Variants in EEPD1 observed in about 807,000 individuals in gnomAD.
The protein encoded by EEPD1 is endonuclease/exonuclease/phosphatase family domain-containing protein 1.
A neutral mutation model predicts 46.3 loss-of-function variants in EEPD1; 17 were observed. The ratio of observed to expected loss-of-function variants is 0.37; its 90% CI spans 0.25 to 0.55. EEPD1 has a LOEUF of 0.55. Ranked by LOEUF, EEPD1 falls within the 20% of genes least tolerant of loss-of-function variation. The pLI is 0.83. For synonymous variants in EEPD1, 313 were observed against 315.6 expected, an observed-to-expected ratio of 0.99 and a Z score of 0.09; for missense variants, 673 against 745.6, an observed-to-expected ratio of 0.90 and a Z score of 1.13.
At chr7:36,237,154 ACTC>A (rs2115779265) in intron 2 of EEPD1, among the ~76,000 whole-genome samples, 1 of 152,218 alleles carries the variant, frequency 6.6e-6, no homozygotes. Flanking sequence ...CTGCAGCTTC[ACTC>A]CTCAAGTCAG....
intron 2 of EEPD1, among the ~76,000 whole-genome samples, chr7:36,162,261 A>G (rs1388176734): frequency 6.6e-6 from 1 of 152,224 alleles, no homozygotes; most frequent in East Asian, 1.9e-4. Context: ...GCTGAACTCA[A>G]GTGGCTGGGA....
chr7:36,286,292 C>T (rs1562713098), intron 5 of EEPD1, among the ~76,000 whole-genome samples: 1 of 152,204 alleles, frequency 6.6e-6, no homozygotes, highest in Non-Finnish European at 1.5e-5. Context: ...GGCTCATCTC[C>T]TCAGGCACTG....
At chr7:36,204,203 TA>T (rs200227482) in intron 2 of EEPD1, among the ~76,000 whole-genome samples, 12 of 151,524 alleles carry the variant, frequency 7.9e-5, no homozygotes, top group Middle Eastern at 3.4e-3. Flanking sequence ...CCCAGCCAAT[TA>T]AAAAAAAATT....
intron 6 of EEPD1, among the ~76,000 whole-genome samples, chr7:36,288,101 CGGGCATCACTCCGGT>C (rs1787369500): frequency 6.6e-6 from 1 of 152,150 alleles, no homozygotes; most frequent in African/African-American, 2.4e-5. Flanking sequence ...CCAGCTGCCT[CGGGCATCACTCCGGT>C]GGTGCCGCCT....
At chr7:36,222,363 C>T (rs1786160750) in intron 2 of EEPD1, among the ~76,000 whole-genome samples, 1 of 152,086 alleles carries the variant, frequency 6.6e-6, no homozygotes, top group Non-Finnish European at 1.5e-5. Flanking sequence ...TTTATCATCT[C>T]CATGTTTTGA....
At chr7:36,257,247 C>G (rs1786841038) in intron 3 of EEPD1, among the ~76,000 whole-genome samples, 1 of 151,310 alleles carries the variant, frequency 6.6e-6, no homozygotes, top group Non-Finnish European at 1.5e-5. Flanking sequence ...TCTGGCTGCC[C>G]TTAACATTTT....
rs779391106 is a variant in EEPD1 at position 36,165,593 on chromosome 7, T to TTATTTATTTATTTATG, written c.878+10406_878+10407insGTATTTATTTATTTAT. Reference sequence around the variant, plus strand: ...TGCCACCACGCCCCAGCTAATTTATTTATTTATTTATTTATTTATTTATTT... The same window carrying TTATTTATTTATTTATG: ...TGCCACCACGCCCCAGCTAATTTATTTATTTATTTATTTATGTATTTATTTATTTATTTATTTATTT... On this transcript the variant is annotated intron_variant, in intron 2 of 7. Coordinates refer to ENST00000242108, the MANE Select transcript of EEPD1 (RefSeq NM_030636.3). 3.5e-3 allele frequency among the ~76,000 whole-genome samples: 513 copies of TTATTTATTTATTTATG among 147,566 alleles called. 3 individuals are homozygous for TTATTTATTTATTTATG. Among genetic ancestry groups the TTATTTATTTATTTATG allele is most frequent in the Non-Finnish European group, 5.6e-3 (372 of 66,940 alleles).
chr7:36,205,871 A>T (rs1785806867), intron 2 of EEPD1, among the ~76,000 whole-genome samples: 1 of 152,148 alleles, frequency 6.6e-6, no homozygotes, highest in Admixed American at 6.5e-5. Context: ...ACAAAACCCC[A>T]TAGAAACTCT....
chr7:36,283,061 G>C (rs372148614), intron 4 of EEPD1, among the ~76,000 whole-genome samples: 2 of 152,194 alleles, frequency 1.3e-5, no homozygotes, highest in African/African-American at 4.8e-5. Flanking sequence ...GGGCTTACAC[G>C]ATAGCCAGAG....
chr7:36,163,065 CTAGAG>C (rs1784926563), intron 2 of EEPD1, among the ~76,000 whole-genome samples: 1 of 151,814 alleles, frequency 6.6e-6, no homozygotes, highest in African/African-American at 2.4e-5. Flanking sequence ...AAACACTTCT[CTAGAG>C]TATATTTTCT....
chr7:36,221,654 T>C (rs1786147323), intron 2 of EEPD1, among the ~76,000 whole-genome samples: 1 of 152,156 alleles, frequency 6.6e-6, no homozygotes, highest in African/African-American at 2.4e-5. Context: ...AATACCAGTG[T>C]GATTTTGAGG....
intron 2 of EEPD1, among the ~76,000 whole-genome samples, chr7:36,228,275 T>TC (rs1361735028): frequency 6.6e-6 from 1 of 152,174 alleles, no homozygotes; most frequent in African/African-American, 2.4e-5. Flanking sequence ...CCCGCCCTAA[T>TC]CCCGCACTTC....
chr7:36,231,316 T>G (rs1358869769), intron 2 of EEPD1, among the ~76,000 whole-genome samples: 1 of 152,220 alleles, frequency 6.6e-6, no homozygotes, highest in Non-Finnish European at 1.5e-5. Context: ...CATCCTGACT[T>G]CAGAACTTGC....
rs936268085 is a variant in EEPD1 at position 36,212,429 on chromosome 7, TAA to T, written c.879-26555_879-26554del. ...TATATGCAAAGATATTCATTAATCA[TAA>T]GTCAGAAAAATGTGAAAAAATTAAA... On this transcript the variant is annotated intron_variant, in intron 2 of 7. Transcript: ENST00000242108. 3.3e-5 allele frequency among the ~76,000 whole-genome samples: 5 copies of T among 150,198 alleles called. No individual in the cohort carries two copies. In the Admixed American group the frequency reaches 3.4e-4, roughly 10 times the overall value.
At chr7:36,253,310 TG>T (rs1786778240) in intron 3 of EEPD1, among the ~76,000 whole-genome samples, 2 of 152,208 alleles carry the variant, frequency 1.3e-5, no homozygotes, top group African/African-American at 4.8e-5. Context: ...AAACATATTT[TG>T]TTTGATTTCA....
At chr7:36,176,023 G>C (rs557299648) in intron 2 of EEPD1, among the ~76,000 whole-genome samples, 9 of 152,182 alleles carry the variant, frequency 5.9e-5, no homozygotes, top group African/African-American at 1.9e-4. Flanking sequence ...TGAGTGAGCC[G>C]TGTGAGTAGA....
intron 2 of EEPD1, among the ~76,000 whole-genome samples, chr7:36,178,864 C>A (rs545844688): frequency 5.3e-5 from 8 of 152,320 alleles, no homozygotes; most frequent in Admixed American, 3.9e-4. Flanking sequence ...TAACTTAATC[C>A]AAGGCCATGT....
intron 4 of EEPD1, 68 bp from the exon 5 acceptor site, chr7:36,284,618 C>G (rs1453482983): frequency 1.3e-6 from 2 of 1,562,654 alleles, no homozygotes; most frequent in East Asian, 4.7e-5. Context: ...TCTCTGGCCT[C>G]TCTGCCTCCT....
intron 3 of EEPD1, among the ~76,000 whole-genome samples, chr7:36,241,378 C>G (rs1175025112): frequency 1.3e-5 from 2 of 152,058 alleles, no homozygotes; most frequent in East Asian, 3.9e-4. Context: ...GAGGCGGAAG[C>G]AGGAGAATTC....
Sources: allele counts gnomAD v4.1 joint callset (sites outside exome capture counted in the v4.1 genomes callset), GRCh38; gene constraint gnomAD v4.1.1; transcripts MANE v1.5; gene names NCBI Gene and HGNC (gene_info 2026-07-23, HGNC 2026-07-21).